TNNI3K: variants seen among roughly 807,000 people sequenced by gnomAD.
The protein encoded by TNNI3K is serine/threonine-protein kinase TNNI3K.
A neutral mutation model predicts 114.5 loss-of-function variants in TNNI3K; 140 were observed. That is an observed-to-expected ratio of 1.22 (90% CI 1.07 to 1.41). The LOEUF (loss-of-function observed/expected upper bound fraction) is 1.41. Among genes scored for constraint, TNNI3K ranks in the 40% most tolerant of loss-of-function variants. The pLI is 0.00. For synonymous variants in TNNI3K, 347 were observed against 347.5 expected (o/e 1.00, Z 0.02); for missense variants, 1,125 against 1,007.6 (o/e 1.12, Z -1.58).
intron 21 of TNNI3K, among the ~76,000 whole-genome samples, chr1:74,474,527 T>TA (rs1668097047): frequency 6.6e-6 from 1 of 152,198 alleles, no homozygotes; most frequent in South Asian, 2.1e-4. Flanking sequence ...CTGTCATTCA[T>TA]ACTCTTAGAG....
intron 4 of TNNI3K, among the ~76,000 whole-genome samples, chr1:74,262,016 C>T (rs953708861): frequency 2.0e-5 from 3 of 152,038 alleles, no homozygotes; most frequent in African/African-American, 4.8e-5. Flanking sequence ...CTATCAGTGG[C>T]GATTCGTAGC....
At chr1:74,336,959 C>G (rs2100427897) in intron 7 of TNNI3K, among the ~76,000 whole-genome samples, 2 of 152,028 alleles carry the variant, frequency 1.3e-5, no homozygotes, top group Admixed American at 1.3e-4. Flanking sequence ...AGTCTACAGT[C>G]CCACCAACAG....
chr1:74,387,181 A>G (rs1361590), intron 17 of TNNI3K, among the ~76,000 whole-genome samples: 65 of 152,254 alleles, frequency 4.3e-4, no homozygotes, highest in African/African-American at 1.5e-3. Context: ...TTTATGATAC[A>G]TGTTTTCTAT....
intron 17 of TNNI3K, among the ~76,000 whole-genome samples, chr1:74,409,351 A>G (rs1388060278): frequency 6.6e-6 from 1 of 152,198 alleles, no homozygotes; most frequent in Non-Finnish European, 1.5e-5. Context: ...AATCTGTGTT[A>G]CTACCTTGCT....
intron 17 of TNNI3K, among the ~76,000 whole-genome samples, chr1:74,385,429 A>G (rs777245664): frequency 4.6e-5 from 7 of 152,204 alleles, no homozygotes; most frequent in Non-Finnish European, 1.0e-4. Context: ...TGGTAAATAC[A>G]AAAATGTGAA....
chr1:74,394,505 G>T (rs1458770351), intron 17 of TNNI3K, among the ~76,000 whole-genome samples: 2 of 152,084 alleles, frequency 1.3e-5, no homozygotes, highest in African/African-American at 4.8e-5. Flanking sequence ...GATATACTAG[G>T]CCCCTGCTGG....
At chr1:74,367,205 ATAACTT>A (rs771950959) in intron 11 of TNNI3K, 45 bp from the exon 12 acceptor site, 12 of 1,596,518 alleles carry the variant, frequency 7.5e-6, no homozygotes, top group Admixed American at 3.4e-5. Context: ...AGTAGACTGA[ATAACTT>A]AAACAAAATT....
At chr1:74,456,310 A>T (rs1667223692) in intron 20 of TNNI3K, among the ~76,000 whole-genome samples, 1 of 152,138 alleles carries the variant, frequency 6.6e-6, no homozygotes, top group African/African-American at 2.4e-5. Context: ...CAAGAAAAGG[A>T]GCAGATTTAT....
chr1:74,406,734 G>A (rs964990042), intron 17 of TNNI3K, among the ~76,000 whole-genome samples: 18 of 152,150 alleles, frequency 1.2e-4, no homozygotes, highest in Non-Finnish European at 4.4e-5. Flanking sequence ...ACATCTTTGA[G>A]TGGCCATCCT....
intron 5 of TNNI3K, among the ~76,000 whole-genome samples, chr1:74,313,031 A>G (rs1047411173): frequency 2.6e-5 from 4 of 152,098 alleles, no homozygotes; most frequent in Admixed American, 6.6e-5. Flanking sequence ...TCACTTTTTA[A>G]TCCAGTCTTT....
intron 21 of TNNI3K, chr1:74,468,250 C>T (rs1667759871): frequency 1.3e-5 from 2 of 148,692 alleles, no homozygotes; most frequent in Admixed American, 6.7e-5. Flanking sequence ...AAGGTGACAG[C>T]GCTTTAAAGA....
At chr1:74,377,179 G>A (rs1428113860) in intron 17 of TNNI3K, 3 of 151,982 alleles carry the variant, frequency 2.0e-5, no homozygotes, top group Non-Finnish European at 4.4e-5. Context: ...CTTCTCTGCT[G>A]CCAGAGTAAA....
At chr1:74,517,085 C>T (rs868137516) in intron 23 of TNNI3K, among the ~76,000 whole-genome samples, 20 of 152,128 alleles carry the variant, frequency 1.3e-4, no homozygotes, top group African/African-American at 4.3e-4. Context: ...TCAGCTTTTC[C>T]CCCACCCCTA....
At chr1:74,360,612 T>C (rs1343098685) in intron 11 of TNNI3K, among the ~76,000 whole-genome samples, 2 of 152,080 alleles carry the variant, frequency 1.3e-5, no homozygotes, top group African/African-American at 4.8e-5. Context: ...TTTCCAAGAC[T>C]TTTACATGGC....
chr1:74,345,852 A>T (rs957982275), intron 9 of TNNI3K: 2 of 152,214 alleles, frequency 1.3e-5, no homozygotes, highest in African/African-American at 2.4e-5. Flanking sequence ...AATTTCATAC[A>T]AAATCTTTTT....
chr1:74,455,674 G>T (rs1667197821), intron 20 of TNNI3K, among the ~76,000 whole-genome samples: 1 of 152,134 alleles, frequency 6.6e-6, no homozygotes, highest in Non-Finnish European at 1.5e-5. Flanking sequence ...GTAAGTTCCA[G>T]ACTCTGAAGG....
chr1:74,502,946 G>T (rs1669709556), intron 23 of TNNI3K, among the ~76,000 whole-genome samples: 1 of 152,196 alleles, frequency 6.6e-6, no homozygotes, highest in Non-Finnish European at 1.5e-5. Flanking sequence ...ATAAAAGGAT[G>T]AACTTCTTCC....
chr1:74,452,575 C>T (rs1667072319), intron 20 of TNNI3K, among the ~76,000 whole-genome samples: 1 of 152,162 alleles, frequency 6.6e-6, no homozygotes, highest in Non-Finnish European at 1.5e-5. Flanking sequence ...TCAAATACAG[C>T]ACATTATCTT....
chr1:74,431,401 A>C (rs538291570), intron 17 of TNNI3K, among the ~76,000 whole-genome samples: 1 of 152,140 alleles, frequency 6.6e-6, no homozygotes, highest in African/African-American at 2.4e-5. Context: ...CAGAATGAAA[A>C]CCACTTTAAA....
Sources: gnomAD v4.1 joint callset for allele counts (sites outside exome capture counted in the v4.1 genomes callset) on GRCh38, gnomAD v4.1.1 for gene constraint, MANE v1.5 for transcripts, NCBI Gene and HGNC (gene_info 2026-07-23, HGNC 2026-07-21) for gene names.